The following MGAM2 variants were observed in gnomAD, a reference collection of about 807,000 sequenced individuals.
MGAM2 encodes probable maltase-glucoamylase 2.
MGAM2 carries 98 observed loss-of-function variants against 96.1 expected under a neutral mutation model. The observed-to-expected ratio is 1.02, with a 90% CI of 0.87 to 1.21. The LOEUF is 1.21. Among genes scored for constraint, MGAM2 ranks in the 50% most tolerant of loss-of-function variants. MGAM2 has a pLI of 0.00. For missense variants in MGAM2, 2,055 were observed against 1,182.4 expected, an observed-to-expected ratio of 1.74 and a Z score of -10.82; for synonymous variants, 749 against 414.8, an observed-to-expected ratio of 1.81 and a Z score of -9.79.
chr7:142,196,284 A>G lies in MGAM2; in HGVS notation c.4477A>G (p.Ile1493Val), dbSNP rs1797032307. 1.3e-6 allele frequency: 1 copy of G among 756,990 alleles called. No homozygotes were observed. The highest frequency in any genetic ancestry group is 1.7e-5 in the African/African-American group (1 of 58,052). The allele number at this position is 756,990 out of a possible 1,614,324, so 46.9% of individuals were successfully genotyped here. Residue 1493 changes from isoleucine to valine, a missense_variant, in exon 38 of 48, where the codon ATT becomes GTT. Transcript: ENST00000477922. ...ATGGGACCAGCTGGGGAAATCTATC[A>G]TTGGTGTGTGGGCTCATTCCCAGGG... ...AAWDQLGKSIIGMMEFSLFGI... is the reference protein window; with the variant it reads ...AAWDQLGKSIVGMMEFSLFGI...
chr7:142,161,213 G>C lies in MGAM2; in HGVS notation c.2434G>C (p.Asp812His). The C allele has an allele frequency of 1.4e-6, 1 of 702,306 alleles. No homozygotes were observed. The highest frequency in any genetic ancestry group is 2.6e-6 in the Non-Finnish European group (1 of 384,568). 43.5% of individuals were successfully genotyped at this position (702,306 alleles called of 1,614,324 possible). A position where few individuals can be genotyped will look rare whatever the true frequency, so the allele number is the denominator to read the frequency against. Residue 812 changes from aspartate to histidine, a missense_variant and splice_region_variant, in exon 22 of 48, where the codon GAT becomes CAT. Transcript: ENST00000477922. Reference protein sequence around the residue: ...ELYWDDGVSKDAVTEKKYILY... With the variant: ...ELYWDDGVSKHAVTEKKYILY... ...GTACTGGGATGACGGTGTATCTAAAGGTAGACTTTCTCAAGGCACCATCCC... is the reference window on the plus strand; with the variant it reads ...GTACTGGGATGACGGTGTATCTAAACGTAGACTTTCTCAAGGCACCATCCC...
At chr7:142,184,203 C>T (rs917743224) in intron 33 of MGAM2, among the ~76,000 whole-genome samples, 1 of 151,942 alleles carries the variant, frequency 6.6e-6, no homozygotes, top group Non-Finnish European at 1.5e-5. Context: ...GAACTCATGA[C>T]TTCTGGTGAT....
intron 45 of MGAM2, among the ~76,000 whole-genome samples, chr7:142,205,821 G>A (rs145453234): frequency 1.8e-4 from 28 of 151,810 alleles, no homozygotes; most frequent in South Asian, 1.7e-3. Context: ...TTTTCTATTC[G>A]TTTAATGTGC....
intron 45 of MGAM2, chr7:142,208,364 C>T (rs895695818): frequency 1.5e-5 from 10 of 651,246 alleles, no homozygotes; most frequent in African/African-American, 5.3e-5. Flanking sequence ...CTGACCTCCC[C>T]GGCAAGGTAC....
At chr7:142,219,590 T>G (rs1308042757) in intron 47 of MGAM2, among the ~76,000 whole-genome samples, 1 of 152,184 alleles carries the variant, frequency 6.6e-6, no homozygotes, top group African/African-American at 2.4e-5. Context: ...TTAATAAATG[T>G]TGGTTTTAAT....
chr7:142,117,995 A>C (rs1018950132), intron 2 of MGAM2, among the ~76,000 whole-genome samples: 4 of 150,752 alleles, frequency 2.7e-5, no homozygotes, highest in African/African-American at 9.8e-5. Flanking sequence ...GGGCTTTAAA[A>C]TCAATTTGTT....
chr7:142,203,807 A>G (rs971573153), intron 45 of MGAM2, among the ~76,000 whole-genome samples: 1 of 152,108 alleles, frequency 6.6e-6, no homozygotes, highest in Non-Finnish European at 1.5e-5. Flanking sequence ...GAAGAATGAA[A>G]CTGAACCCTT....
rs568335998 is a variant in MGAM2, at chr7:142,221,704, T to C, written c.7193T>C (p.Leu2398Pro). 3 of 422,662 alleles carry C rather than the reference T, an allele frequency of 7.1e-6. No individual in the cohort carries two copies. The highest frequency in any genetic ancestry group is 4.1e-5 in the African/African-American group (2 of 49,278). The allele number at this position is 422,662 out of a possible 1,614,324, so 26.2% of individuals were successfully genotyped here. A position where few individuals can be genotyped will look rare whatever the true frequency, so the allele number is the denominator to read the frequency against. ...CCCCATTCTGCTACTACTACAACAC[T>C]GGCCTTAAGCCACACCTCATTAGCT... is the stretch of plus-strand genomic sequence containing the variant. Reference protein sequence around the residue: ...ATPHSATTTTLALSHTSLAPT... With the variant: ...ATPHSATTTTPALSHTSLAPT... Residue 2398 changes from leucine (L) to proline (P), a missense_variant, in exon 48 of 48, where the codon CTG becomes CCG. Leu to Pro is a moderately conservative substitution (Grantham distance 98). Transcript: ENST00000477922.
chr7:142,136,406 C>T (rs1385236848), intron 7 of MGAM2, 135 bp from the exon 8 acceptor site: 2 of 432,338 alleles, frequency 4.6e-6, no homozygotes, highest in South Asian at 7.1e-5. Flanking sequence ...CATTACAATG[C>T]CTTTTTGATA....
chr7:142,122,351 C>G (rs1350359958), intron 3 of MGAM2, among the ~76,000 whole-genome samples: 3 of 152,190 alleles, frequency 2.0e-5, no homozygotes, highest in African/African-American at 7.2e-5. Flanking sequence ...CACTTATATA[C>G]AATGCAAATA....
chr7:142,115,408 G>C (rs1018303581), intron 1 of MGAM2, among the ~76,000 whole-genome samples: 3 of 152,198 alleles, frequency 2.0e-5, no homozygotes, highest in African/African-American at 7.2e-5. Context: ...CAGATAGAGA[G>C]CGAGGAAGAT....
At chr7:142,179,481 T>C (rs771682900) in intron 32 of MGAM2, among the ~76,000 whole-genome samples, 4 of 152,210 alleles carry the variant, frequency 2.6e-5, no homozygotes, top group Non-Finnish European at 5.9e-5. Context: ...CAGTATGATG[T>C]TGGCTGTGGG....
chr7:142,171,605 CATATATATATATATAT>C lies in MGAM2; in HGVS notation c.3351+200_3351+215del, dbSNP rs34204853. Among the ~76,000 whole-genome samples the C allele has an allele frequency of 6.1e-3, 397 of 64,998 alleles. 9 individuals are homozygous for C. The highest frequency in any genetic ancestry group is 0.014 in the African/African-American group (321 of 23,190). 42.6% of individuals were successfully genotyped at this position (64,998 alleles called of 152,430 possible). ...GTCACATTCTTTTGTCCCTAAAAGGCATATATATATATATATATATATATATATATATATATATATA... is the reference window on the plus strand; with the variant it reads ...GTCACATTCTTTTGTCCCTAAAAGGCATATATATATATATATATATATATA... On this transcript the variant is annotated intron_variant, in intron 28 of 47. Coordinates refer to ENST00000477922, the MANE Select transcript of MGAM2 (RefSeq NM_001293626.2).
chr7:142,215,734 G>A (rs1034444879), intron 46 of MGAM2, among the ~76,000 whole-genome samples: 1 of 147,816 alleles, frequency 6.8e-6, no homozygotes, highest in African/African-American at 2.5e-5. Flanking sequence ...CTCCAGCCTG[G>A]GTAGCAAGAG....
intron 3 of MGAM2, among the ~76,000 whole-genome samples, chr7:142,126,753 C>T (rs927182831): frequency 2.0e-5 from 3 of 152,000 alleles, no homozygotes; most frequent in Non-Finnish European, 2.9e-5. Flanking sequence ...CAAAATAAGA[C>T]TTTAAGATAT....
At chr7:142,179,409 G>A (rs1198206519) in intron 32 of MGAM2, among the ~76,000 whole-genome samples, 1 of 152,172 alleles carries the variant, frequency 6.6e-6, no homozygotes, top group Admixed American at 6.5e-5. Context: ...TAGGAGTGAT[G>A]AGAGGGGGCA....
intron 15 of MGAM2, among the ~76,000 whole-genome samples, chr7:142,152,191 G>A (rs1468661052): frequency 2.0e-5 from 3 of 149,440 alleles, no homozygotes; most frequent in East Asian, 3.9e-4. Context: ...AAAAAACCCA[G>A]CAGTTATCTA....
In MGAM2 at chr7:142,198,133, T is replaced by C. The variant is rs2129100606; in HGVS notation, c.4867-6T>C. On this transcript the variant is annotated splice_region_variant and splice_polypyrimidine_tract_variant and intron_variant, in intron 42 of 47. Transcript: ENST00000477922. ...TTCATAATGACATGTCAATTTTATGTTTCAGAGCACATTTGAGATCTCTGC... is the reference window on the plus strand; with the variant it reads ...TTCATAATGACATGTCAATTTTATGCTTCAGAGCACATTTGAGATCTCTGC... The C allele has an allele frequency of 1.4e-6, 1 of 702,572 alleles. No homozygotes were observed. The highest frequency in any genetic ancestry group is 2.6e-6 in the Non-Finnish European group (1 of 384,716). The allele number at this position is 702,572 out of a possible 1,614,324, so 43.5% of individuals were successfully genotyped here. A position where few individuals can be genotyped will look rare whatever the true frequency, so the allele number is the denominator to read the frequency against.
intron 23 of MGAM2, among the ~76,000 whole-genome samples, chr7:142,163,928 C>T (rs1216863513): frequency 6.6e-6 from 1 of 151,552 alleles, no homozygotes; most frequent in Non-Finnish European, 1.5e-5. Context: ...CATTATTTTC[C>T]TTATAGATTG....
Sources: allele counts gnomAD v4.1 joint callset (sites outside exome capture counted in the v4.1 genomes callset), GRCh38; gene constraint gnomAD v4.1.1; transcripts MANE v1.5; gene names NCBI Gene and HGNC (gene_info 2026-07-23, HGNC 2026-07-21).